Variants in ADK observed in about 807,000 individuals in gnomAD.
The protein encoded by ADK is N6,N6-dimethyladenosine kinase.
A neutral mutation model predicts 44.7 loss-of-function variants in ADK; 24 were observed. The observed-to-expected ratio is 0.54, with a 90% confidence interval of 0.39 to 0.76. ADK has a LOEUF of 0.76. Among genes scored for constraint, ADK ranks in the 30% least tolerant of loss-of-function variants. The pLI, the probability that ADK is intolerant of heterozygous loss-of-function variation, is 0.00. For synonymous variants in ADK, 128 were observed against 142.6 expected (o/e 0.90, Z 0.73); for missense variants, 321 against 425.1 (o/e 0.76, Z 2.15).
chr10:74,659,554 T>G (rs1445392240), intron 9 of ADK, among the ~76,000 whole-genome samples: 1 of 152,140 alleles, frequency 6.6e-6, no homozygotes. Context: ...TACTCAAAGG[T>G]CTTGCATTAG....
intron 8 of ADK, among the ~76,000 whole-genome samples, chr10:74,595,404 T>C (rs376831313): frequency 0.99 from 102,420 of 103,226 alleles, 50,807 homozygotes; most frequent in Non-Finnish European, 1. Flanking sequence ...GGGAGGGGGT[T>C]TGGCTTTGTC....
chr10:74,174,066 G>A (rs1442071349), intron 1 of ADK, among the ~76,000 whole-genome samples: 1 of 151,812 alleles, frequency 6.6e-6, no homozygotes, highest in Non-Finnish European at 1.5e-5. Flanking sequence ...ATTTTGGGAG[G>A]CTGAGGTGGG....
intron 9 of ADK, among the ~76,000 whole-genome samples, chr10:74,651,408 C>G (rs548512971): frequency 6.6e-6 from 1 of 152,078 alleles, no homozygotes; most frequent in Admixed American, 6.6e-5. Flanking sequence ...ATTCTACTCT[C>G]CTGTAGAATG....
chr10:74,252,222 A>T (rs1441487854), intron 3 of ADK, among the ~76,000 whole-genome samples: 1 of 152,196 alleles, frequency 6.6e-6, no homozygotes, highest in Non-Finnish European at 1.5e-5. Context: ...TGGATGGCAC[A>T]GTGAAAAGAT....
chr10:74,261,084 T>G (rs1047398250), intron 3 of ADK, among the ~76,000 whole-genome samples: 2 of 152,226 alleles, frequency 1.3e-5, no homozygotes, highest in Admixed American at 1.3e-4. Flanking sequence ...TATAATAATT[T>G]TGGTTCAATC....
chr10:74,561,365 T>C (rs1351941735), intron 7 of ADK, among the ~76,000 whole-genome samples: 1 of 152,214 alleles, frequency 6.6e-6, no homozygotes, highest in Non-Finnish European at 1.5e-5. Flanking sequence ...AGATTCTTTG[T>C]TCATTTGTTT....
chr10:74,167,090 G>A (rs937230863), intron 1 of ADK, among the ~76,000 whole-genome samples: 4 of 152,142 alleles, frequency 2.6e-5, no homozygotes, highest in South Asian at 2.1e-4. Flanking sequence ...GGTAAGTATT[G>A]CTCTGTGAAT....
intron 4 of ADK, among the ~76,000 whole-genome samples, chr10:74,392,848 T>C (rs1464734710): frequency 6.6e-6 from 1 of 152,170 alleles, no homozygotes; most frequent in Non-Finnish European, 1.5e-5. Flanking sequence ...TTACTTTGTA[T>C]AGAAGGAGTG....
At chr10:74,387,012 C>T (rs1843166345) in intron 4 of ADK, among the ~76,000 whole-genome samples, 1 of 152,006 alleles carries the variant, frequency 6.6e-6, no homozygotes, top group Non-Finnish European at 1.5e-5. Flanking sequence ...TCTTGGCTCA[C>T]TGCAGCCTCC....
chr10:74,434,959 T>G (rs1845132101), intron 6 of ADK, among the ~76,000 whole-genome samples: 1 of 152,226 alleles, frequency 6.6e-6, no homozygotes, highest in Non-Finnish European at 1.5e-5. Flanking sequence ...AAACTAGTTA[T>G]GCACAGTAGC....
intron 7 of ADK, among the ~76,000 whole-genome samples, chr10:74,556,931 A>G (rs1364676487): frequency 6.6e-6 from 1 of 152,202 alleles, no homozygotes; most frequent in African/African-American, 2.4e-5. Flanking sequence ...TAAAGTAGGA[A>G]CATACCCCTC....
At chr10:74,634,338 C>G (rs989682042) in intron 9 of ADK, among the ~76,000 whole-genome samples, 6 of 152,084 alleles carry the variant, frequency 3.9e-5, no homozygotes, top group Non-Finnish European at 8.8e-5. Flanking sequence ...CCTCAGCCTC[C>G]CAAGTAGCTG....
intron 4 of ADK, among the ~76,000 whole-genome samples, chr10:74,386,191 C>T (rs190790683): frequency 6.6e-6 from 1 of 152,148 alleles, no homozygotes; most frequent in Non-Finnish European, 1.5e-5. Flanking sequence ...GTTGCTGTTT[C>T]TCAGTTTTGA....
At chr10:74,384,139 T>G (rs1304452418) in intron 4 of ADK, among the ~76,000 whole-genome samples, 5 of 152,234 alleles carry the variant, frequency 3.3e-5, no homozygotes, top group African/African-American at 1.2e-4. Flanking sequence ...ATATCTTGTA[T>G]GTAAGCTTTA....
chr10:74,429,726 C>G (rs1373481155), intron 6 of ADK, among the ~76,000 whole-genome samples: 4 of 152,140 alleles, frequency 2.6e-5, no homozygotes, highest in Admixed American at 6.5e-5. Context: ...GTGATACTCT[C>G]AAACTTGGAT....
chr10:74,671,875 G>A (rs941966349), intron 10 of ADK, among the ~76,000 whole-genome samples: 1 of 152,110 alleles, frequency 6.6e-6, no homozygotes, highest in Non-Finnish European at 1.5e-5. Context: ...ACTACCTCTG[G>A]CCTTGGGTTA....
At chr10:74,462,231 T>G (rs2133247437) in intron 6 of ADK, among the ~76,000 whole-genome samples, 1 of 152,180 alleles carries the variant, frequency 6.6e-6, no homozygotes, top group South Asian at 2.1e-4. Context: ...TTATATTAGA[T>G]AGTTTCTCTG....
intron 1 of ADK, among the ~76,000 whole-genome samples, chr10:74,185,842 GAAAAAAAA>G (rs71021593): frequency 6.1e-5 from 4 of 65,820 alleles, no homozygotes; most frequent in East Asian, 4.9e-4. Context: ...GTCTCAAAAA[GAAAAAAAA>G]AAAAAAAAAA....
chr10:74,375,003 C>G (rs774638084), intron 4 of ADK, among the ~76,000 whole-genome samples: 3 of 152,014 alleles, frequency 2.0e-5, no homozygotes, highest in Non-Finnish European at 4.4e-5. Context: ...TGCTTCTATT[C>G]CCTCACAGAG....
Sources: allele counts gnomAD v4.1 joint callset (sites outside exome capture counted in the v4.1 genomes callset), GRCh38; gene constraint gnomAD v4.1.1; transcripts MANE v1.5; gene names NCBI Gene and HGNC (gene_info 2026-07-23, HGNC 2026-07-21).